Variants in CCDC163 observed in about 807,000 individuals in gnomAD.
CCDC163 encodes transmembrane protein CCDC163.
In CCDC163, 13 loss-of-function variants were observed where a neutral mutation model predicts 8.2. The ratio of observed to expected loss-of-function variants is 1.59; its 90% CI spans 1.04 to 2.54. CCDC163 has a LOEUF of 2.54. Ranked by LOEUF, CCDC163 falls within the 30% of genes most tolerant of loss-of-function variation. The pLI, the probability that CCDC163 is intolerant of heterozygous loss-of-function variation, is 0.00. For synonymous variants in CCDC163, 41 were observed against 30.9 expected, an observed-to-expected ratio of 1.33 and a Z score of -1.08; for missense variants, 117 against 78.6, an observed-to-expected ratio of 1.49 and a Z score of -1.85.
chr1:45,496,152 A>T (rs1349869314), intron 4 of CCDC163: 6 of 330,358 alleles, frequency 1.8e-5, no homozygotes, highest in Non-Finnish European at 3.5e-5. Context: ...CACAGCACCC[A>T]TACCCCCTGA....
intron 3 of CCDC163, 129 bp from the exon 4 acceptor site, chr1:45,496,752 G>T: frequency 1.6e-6 from 1 of 634,530 alleles, no homozygotes; most frequent in Non-Finnish European, 2.8e-6. Flanking sequence ...ACGCTTCCAA[G>T]CTGACTGAAG....
chr1:45,497,009 A>C (rs990883899), intron 3 of CCDC163, among the ~76,000 whole-genome samples: 1 of 152,082 alleles, frequency 6.6e-6, no homozygotes, highest in African/African-American at 2.4e-5. Context: ...AAAAATACTA[A>C]AAATATGAAA....
rs554525203 is a variant in CCDC163, at chr1:45,499,671, C to T, written c.-62G>A. 9 of 715,060 alleles carry T rather than the reference C, an allele frequency of 1.3e-5. No individual in the cohort carries two copies. Among genetic ancestry groups the T allele is most frequent in the Admixed American group, 4.1e-5 (2 of 48,942 alleles). 44.3% of individuals were successfully genotyped at this position (715,060 alleles called of 1,614,324 possible). A position where few individuals can be genotyped will look rare whatever the true frequency, so the allele number is the denominator to read the frequency against. ...TGGTGTCTTGTGCTTGCTCTCCTAGCGGGGGATACCCAAGGTATCCCCAGG... is the reference window on the plus strand; with the variant it reads ...TGGTGTCTTGTGCTTGCTCTCCTAGTGGGGGATACCCAAGGTATCCCCAGG... On this transcript the variant is annotated 5_prime_UTR_variant, in exon 1 of 5. Coordinates refer to ENST00000629482, the MANE Select transcript of CCDC163 (RefSeq NM_001102601.3).
rs1653917260 is a variant in CCDC163, at chr1:45,494,544, ATCT to A, written c.*512_*514del. 2 of 157,930 alleles carry A rather than the reference ATCT, an allele frequency of 1.3e-5. No individual in the cohort carries two copies. Among genetic ancestry groups the A allele is most frequent in the Non-Finnish European group, 2.8e-5 (2 of 71,368 alleles). The allele number at this position is 157,930 out of a possible 1,614,324, so 9.8% of individuals were successfully genotyped here. On this transcript the variant is annotated 3_prime_UTR_variant, in exon 5 of 5. Coordinates refer to ENST00000629482, the MANE Select transcript of CCDC163 (RefSeq NM_001102601.3). ...GTCCAGATCCAAGTCCCACCAGAAT[ATCT>A]CATCCTCCTTTGCATCCCCCAGCAC...
chr1:45,499,249 C>G (rs1643463267), intron 2 of CCDC163, 96 bp downstream of exon 2: 2 of 714,170 alleles, frequency 2.8e-6, no homozygotes, highest in African/African-American at 3.5e-5. Flanking sequence ...CAGGAAAGGA[C>G]AGAGTTGGAA....
rs1248049842 is a variant in CCDC163, at chr1:45,497,279, C to T, written c.262+20G>A. The stretch of plus-strand genomic sequence containing the variant: ...GGGGACAAGGAAACGCATATTCGCC[C>T]CCAACCACCTTTTACTTACTCAACT... On this transcript the variant is annotated intron_variant, in intron 3 of 4. Coordinates refer to ENST00000629482, the MANE Select transcript of CCDC163 (RefSeq NM_001102601.3). The T allele has an allele frequency of 1.3e-6, 1 of 774,150 alleles. No individual in the cohort carries two copies. The highest frequency in any genetic ancestry group is 2.4e-6 in the Non-Finnish European group (1 of 414,010). The allele number at this position is 774,150 out of a possible 1,614,324, so 48.0% of individuals were successfully genotyped here.
At chr1:45,496,680 C>T in intron 3 of CCDC163, 57 bp from the exon 4 acceptor site, 1 of 729,850 alleles carries the variant, frequency 1.4e-6, no homozygotes, top group Non-Finnish European at 2.5e-6. Flanking sequence ...CTTCTCCCTC[C>T]CTGCCTGTGA....
intron 3 of CCDC163, among the ~76,000 whole-genome samples, chr1:45,496,976 C>A (rs1294663108): frequency 1.3e-5 from 2 of 152,204 alleles, no homozygotes; most frequent in Non-Finnish European, 2.9e-5. Flanking sequence ...GCTCGGCCAA[C>A]ATGGTGAAAC....
rs759978591 is a variant in CCDC163, at chr1:45,499,562, G to C, written c.48C>G (p.Asn16Lys). 6.4e-6 allele frequency: 5 copies of C among 778,650 alleles called. No individual in the cohort carries two copies. The highest frequency in any genetic ancestry group is 1.3e-5 in the South Asian group (1 of 74,148). 48.2% of individuals were successfully genotyped at this position (778,650 alleles called of 1,614,324 possible). A position where few individuals can be genotyped will look rare whatever the true frequency, so the allele number is the denominator to read the frequency against. ...SWFEQLDVLL[N>K]ATDGNVVRNK... Reference sequence around the variant, plus strand: ...TCCGGACCACATTTCCATCAGTAGCGTTGAGAAGCACATCCAGCTGCTCAA... The same window carrying C: ...TCCGGACCACATTTCCATCAGTAGCCTTGAGAAGCACATCCAGCTGCTCAA... The change falls in exon 1 of 5, where the codon AAC becomes AAG. Residue 16 changes from asparagine to lysine, a missense_variant. Transcript: ENST00000629482.
intron 2 of CCDC163, 33 bp from the exon 3 acceptor site, chr1:45,497,416 G>C: frequency 1.3e-6 from 1 of 774,486 alleles, no homozygotes; most frequent in Middle Eastern, 2.3e-4. Flanking sequence ...GAGTAAGAAG[G>C]CAAGTAGAGT....
Position 45,499,430 on chromosome 1 carries a change from G to T in CCDC163, c.92C>A (p.Pro31His). Residue 31 changes from proline to histidine, a missense_variant, in exon 2 of 5, where the codon CCT (proline) becomes CAT (histidine). By Grantham distance (77) the Pro-to-His change is moderately conservative. Transcript: ENST00000629482. ...AATGAGCTCTGTGGAGACCCCAAGA[G>T]GATACAGCCACTGCTACAAAAGAAA... ...NVVRNKQWLY[P>H]LGVSTELIGL... 1 of 772,384 alleles carries T rather than the reference G, an allele frequency of 1.3e-6. No individual in the cohort carries two copies. Among genetic ancestry groups the T allele is most frequent in the South Asian group, 1.4e-5 (1 of 73,998 alleles). The allele number at this position is 772,384 out of a possible 1,614,324, so 47.8% of individuals were successfully genotyped here.
At chr1:45,497,718 GCC>G (rs1643371601) in intron 2 of CCDC163, among the ~76,000 whole-genome samples, 1 of 33,906 alleles carries the variant, frequency 2.9e-5, no homozygotes, top group Non-Finnish European at 5.8e-5. Flanking sequence ...GAGGGGGTCA[GCC>G]CCCCGCCAGG....
At chr1:45,497,715 T>C (rs1312327527) in intron 2 of CCDC163, among the ~76,000 whole-genome samples, 1 of 35,940 alleles carries the variant, frequency 2.8e-5, no homozygotes, top group Non-Finnish European at 5.3e-5. Flanking sequence ...GTGGAGGGGG[T>C]CAGCCCCCCG....
chr1:45,496,157 C>T (rs1413186494), intron 4 of CCDC163: 1 of 340,078 alleles, frequency 2.9e-6, no homozygotes, highest in Non-Finnish European at 5.7e-6. Context: ...CACCCATACC[C>T]CCTGACCTAA....
chr1:45,495,775 TC>T (rs1165946902), intron 4 of CCDC163, among the ~76,000 whole-genome samples: 1 of 150,332 alleles, frequency 6.7e-6, no homozygotes, highest in Non-Finnish European at 1.5e-5. Flanking sequence ...CAAGTGATTC[TC>T]CCACCTCAGC....
intron 4 of CCDC163, chr1:45,495,653 CTCTTTTTTTTT>C: frequency 7.0e-6 from 4 of 572,766 alleles, no homozygotes; most frequent in Non-Finnish European, 3.1e-6. Context: ...GGTCTCCTCC[CTCTTTTTTTTT>C]TTTTTTTTTT....
intron 3 of CCDC163, among the ~76,000 whole-genome samples, chr1:45,496,971 G>GA (rs1373103618): frequency 1.3e-5 from 2 of 152,158 alleles, no homozygotes; most frequent in Non-Finnish European, 2.9e-5. Context: ...GACCAGCTCG[G>GA]CCAACATGGT....
At chr1:45,495,492 A>G (rs752727355) in intron 4 of CCDC163, 25 of 702,880 alleles carry the variant, frequency 3.6e-5, no homozygotes, top group South Asian at 2.7e-4. Context: ...AGAAACAGAC[A>G]TGGTGAAGGT....
intron 2 of CCDC163, among the ~76,000 whole-genome samples, chr1:45,497,627 GC>G (rs1654290642): frequency 8.9e-6 from 1 of 112,766 alleles, no homozygotes; most frequent in Admixed American, 1.1e-4. Flanking sequence ...TGCCGAGACT[GC>G]AGCCTCTGCC....
Sources: gnomAD v4.1 joint callset for allele counts (sites outside exome capture counted in the v4.1 genomes callset) on GRCh38, gnomAD v4.1.1 for gene constraint, MANE v1.5 for transcripts, NCBI Gene and HGNC (gene_info 2026-07-23, HGNC 2026-07-21) for gene names.